The following RALYL variants were observed in gnomAD, a reference collection of about 807,000 sequenced individuals.
RALYL encodes the protein RNA-binding Raly-like protein.
In RALYL, 29 loss-of-function variants were observed where a neutral mutation model predicts 35.1. The ratio of observed to expected loss-of-function variants is 0.83; its 90% CI spans 0.61 to 1.13. RALYL has a LOEUF of 1.13. RALYL is among the 50% of genes most tolerant of loss of function. The pLI, the probability that RALYL is intolerant of heterozygous loss-of-function variation, is 0.00. For synonymous variants in RALYL, 120 were observed against 127.6 expected (o/e 0.94, Z 0.40); for missense variants, 359 against 360.4 (o/e 1.00, Z 0.03).
chr8:84,343,609 GATTT>G (rs574132680), intron 1 of RALYL, among the ~76,000 whole-genome samples: 5 of 151,614 alleles, frequency 3.3e-5, no homozygotes, highest in African/African-American at 4.8e-5. Flanking sequence ...AACACAATAT[GATTT>G]ATTTATTTAT....
intron 2 of RALYL, among the ~76,000 whole-genome samples, chr8:84,651,126 A>G (rs545134583): frequency 1.4e-4 from 21 of 152,008 alleles, no homozygotes; most frequent in Non-Finnish European, 2.8e-4. Flanking sequence ...ATGCTAAATG[A>G]TGAGTTAATG....
At position 84,581,191 on chromosome 8, in the gene RALYL, C is replaced by T. The variant is rs760226254; in HGVS notation, c.256+51614C>T. Among the ~76,000 whole-genome samples the T allele has an allele frequency of 4.6e-5, 7 of 152,140 alleles. 1 individual carries two copies. The highest frequency in any genetic ancestry group is 1.3e-4 in the Admixed American group (2 of 15,280). ...AAGTCACACAGCATCATTTCGATTT[C>T]CTTCCACTGGTTTCAGCTAAGTCAT... On this transcript the variant is annotated intron_variant, in intron 2 of 8. Transcript: ENST00000521268.
intron 1 of RALYL, among the ~76,000 whole-genome samples, chr8:84,296,032 G>T (rs1401885466): frequency 6.6e-6 from 1 of 152,022 alleles, no homozygotes; most frequent in East Asian, 1.9e-4. Context: ...AGTAATTGTG[G>T]TTTTTGCTGT....
chr8:84,211,993 G>T (rs1002294362), intron 1 of RALYL, among the ~76,000 whole-genome samples: 1 of 152,240 alleles, frequency 6.6e-6, no homozygotes, highest in African/African-American at 2.4e-5. Context: ...CATAAGGAAG[G>T]TAAGTCCAAG....
chr8:84,327,535 A>G (rs1192641487), intron 1 of RALYL, among the ~76,000 whole-genome samples: 1 of 152,146 alleles, frequency 6.6e-6, no homozygotes, highest in African/African-American at 2.4e-5. Flanking sequence ...CTTTTTGGAA[A>G]TAGTTTTGTT....
chr8:84,420,058 C>T (rs1046913313), intron 1 of RALYL, among the ~76,000 whole-genome samples: 34 of 151,420 alleles, frequency 2.2e-4, no homozygotes, highest in African/African-American at 6.3e-4. Context: ...TGGGTATATA[C>T]CCAGTAATGG....
intron 1 of RALYL, among the ~76,000 whole-genome samples, chr8:84,332,801 A>G (rs977229486): frequency 6.6e-6 from 1 of 152,126 alleles, no homozygotes; most frequent in African/African-American, 2.4e-5. Context: ...GAGCCTCTGG[A>G]GGCCATTCTT....
At chr8:84,211,446 C>T (rs1819471604) in intron 1 of RALYL, among the ~76,000 whole-genome samples, 1 of 152,106 alleles carries the variant, frequency 6.6e-6, no homozygotes, top group African/African-American at 2.4e-5. Flanking sequence ...CCCATCTTCT[C>T]CATCAAGCTA....
intron 2 of RALYL, among the ~76,000 whole-genome samples, chr8:84,735,268 A>G (rs1847037197): frequency 6.6e-6 from 1 of 152,000 alleles, no homozygotes; most frequent in African/African-American, 2.4e-5. Flanking sequence ...AGGACCTAAA[A>G]CAGTGTCTGC....
chr8:84,380,333 T>C (rs1857727603), intron 1 of RALYL, among the ~76,000 whole-genome samples: 1 of 151,918 alleles, frequency 6.6e-6, no homozygotes, highest in Admixed American at 6.6e-5. Flanking sequence ...ATTTCTGAGA[T>C]GTAAGCCAAC....
intron 8 of RALYL, among the ~76,000 whole-genome samples, chr8:84,901,445 T>C (rs1845669943): frequency 6.6e-6 from 1 of 152,114 alleles, no homozygotes; most frequent in Non-Finnish European, 1.5e-5. Flanking sequence ...TTTACATTTG[T>C]CAAGTAAAAA....
chr8:84,740,602 G>T (rs1401008750), intron 2 of RALYL, among the ~76,000 whole-genome samples: 1 of 152,014 alleles, frequency 6.6e-6, no homozygotes, highest in Non-Finnish European at 1.5e-5. Context: ...ACACAAAGTT[G>T]TTCAGCAGAT....
intron 1 of RALYL, among the ~76,000 whole-genome samples, chr8:84,495,590 C>T (rs1252676824): frequency 6.6e-6 from 1 of 152,002 alleles, no homozygotes; most frequent in African/African-American, 2.4e-5. Context: ...CTTTTAGAAA[C>T]AGGGAACTAA....
chr8:84,193,209 A>C (rs1814414948), intron 1 of RALYL, among the ~76,000 whole-genome samples: 1 of 152,182 alleles, frequency 6.6e-6, no homozygotes, highest in Non-Finnish European at 1.5e-5. Context: ...TTACTCATCG[A>C]AGTAATATTA....
intron 2 of RALYL, among the ~76,000 whole-genome samples, chr8:84,619,030 G>T (rs1356061233): frequency 2.0e-5 from 3 of 148,656 alleles, no homozygotes; most frequent in African/African-American, 7.6e-5. Flanking sequence ...GGTCAATTTT[G>T]GAATAGGTGT....
intron 2 of RALYL, among the ~76,000 whole-genome samples, chr8:84,717,111 C>T (rs1843064401): frequency 6.6e-6 from 1 of 152,086 alleles, no homozygotes; most frequent in Admixed American, 6.6e-5. Flanking sequence ...TGCTTGAACC[C>T]AGGAGGCGGA....
chr8:84,489,989 G>A (rs1314886315), intron 1 of RALYL, among the ~76,000 whole-genome samples: 2 of 151,854 alleles, frequency 1.3e-5, no homozygotes, highest in African/African-American at 4.8e-5. Context: ...GATAAAGAAT[G>A]AAGTTGAATT....
At chr8:84,514,058 C>T (rs1282501471) in intron 1 of RALYL, among the ~76,000 whole-genome samples, 1 of 134,484 alleles carries the variant, frequency 7.4e-6, no homozygotes, top group African/African-American at 2.8e-5. Context: ...CACACCACTG[C>T]ACTCCAGCCT....
chr8:84,735,931 A>T (rs536605768), intron 2 of RALYL, among the ~76,000 whole-genome samples: 20 of 152,016 alleles, frequency 1.3e-4, no homozygotes, highest in African/African-American at 4.8e-4. Flanking sequence ...TGCTCCTTGG[A>T]GACCAGCCTC....
Sources: allele counts gnomAD v4.1 joint callset (sites outside exome capture counted in the v4.1 genomes callset), GRCh38; gene constraint gnomAD v4.1.1; transcripts MANE v1.5; gene names NCBI Gene and HGNC (gene_info 2026-07-23, HGNC 2026-07-21).